Variants in ADCK2 observed in about 807,000 individuals in gnomAD.
ADCK2 encodes the protein uncharacterized aarF domain-containing protein kinase 2.
ADCK2 carries 37 observed loss-of-function variants against 52.3 expected under a neutral mutation model. That is an observed-to-expected ratio of 0.71 (90% CI 0.54 to 0.93). ADCK2 has a LOEUF of 0.93. Among genes scored for constraint, ADCK2 ranks in the 40% least tolerant of loss-of-function variants. The pLI is 0.00. For synonymous variants in ADCK2, 321 were observed against 349.2 expected (o/e 0.92, Z 0.90); for missense variants, 695 against 798.7 (o/e 0.87, Z 1.56).
chr7:140,674,527 T>G lies in ADCK2; in HGVS notation c.934-84T>G, dbSNP rs1013888869. 13 of 1,501,324 alleles carry G rather than the reference T, an allele frequency of 8.7e-6. No individual in the cohort carries two copies. The highest frequency in any genetic ancestry group is 1.2e-5 in the Non-Finnish European group (13 of 1,118,314). 93.0% of individuals were successfully genotyped at this position (1,501,324 alleles called of 1,614,324 possible). On this transcript the variant is annotated intron_variant, in intron 1 of 7. Transcript: ENST00000072869. The surrounding 1 kb of genome is among the most constrained non-coding windows in gnomAD (Gnocchi z 4.6). Reference sequence around the variant, plus strand: ...TCTTTGATAAGAAGCCACCTGGCTCTTGCTTGGATGGTGGGACCCAGCCCT... The same window carrying G: ...TCTTTGATAAGAAGCCACCTGGCTCGTGCTTGGATGGTGGGACCCAGCCCT...
At chr7:140,683,758 T>C (rs1794558862) in intron 4 of ADCK2, among the ~76,000 whole-genome samples, 2 of 152,024 alleles carry the variant, frequency 1.3e-5, no homozygotes, top group Non-Finnish European at 1.5e-5. Flanking sequence ...TAGTTGGGGG[T>C]TGGGGGTGCT....
At position 140,681,322 on chromosome 7, in the gene ADCK2, AT is replaced by A. The variant is rs752193275; in HGVS notation, c.1305+198del. 9.2e-3 allele frequency among the ~76,000 whole-genome samples: 1,318 copies of A among 142,742 alleles called. 21 individuals carry two copies. Among genetic ancestry groups the A allele is most frequent in the African/African-American group, 0.029 (1,127 of 39,148 alleles). The allele number at this position is 142,742 out of a possible 152,430, so 93.6% of individuals were successfully genotyped here. ...GCCATGGTGTCTGTGAAGCTCTTTT[AT>A]TTTTTTTTTTTTGAGATGGAGTCTT... On this transcript the variant is annotated intron_variant, in intron 4 of 7. Transcript: ENST00000072869.
chr7:140,679,322 GCCACT>G, intron 3 of ADCK2, 39 bp downstream of exon 3: 1 of 1,608,920 alleles, frequency 6.2e-7, no homozygotes, highest in South Asian at 1.1e-5. Flanking sequence ...CCTTTCACTT[GCCACT>G]CGCAGTGGGC....
chr7:140,692,262 A>G (rs1477110198), intron 7 of ADCK2, among the ~76,000 whole-genome samples: 1 of 152,078 alleles, frequency 6.6e-6, no homozygotes, highest in African/African-American at 2.4e-5. Flanking sequence ...TACTCTTGAT[A>G]TTTCATATAA....
intron 4 of ADCK2, among the ~76,000 whole-genome samples, chr7:140,684,702 C>T (rs752743526): frequency 2.6e-5 from 4 of 152,102 alleles, no homozygotes; most frequent in East Asian, 1.9e-4. Flanking sequence ...GCTGACAGCA[C>T]GCACGCACAT....
intron 4 of ADCK2, among the ~76,000 whole-genome samples, chr7:140,681,653 T>G (rs1194790092): frequency 3.3e-5 from 5 of 151,510 alleles, no homozygotes; most frequent in Non-Finnish European, 7.4e-5. Context: ...GGTCTCACTC[T>G]GTTGCCGAGG....
intron 5 of ADCK2, among the ~76,000 whole-genome samples, 183 bp from the exon 6 acceptor site, chr7:140,689,414 G>A (rs1459504052): frequency 6.6e-6 from 1 of 152,176 alleles, no homozygotes; most frequent in African/African-American, 2.4e-5. Context: ...GTGCAGCGGG[G>A]GTGGGGGCAT....
chr7:140,694,517 G>A lies in ADCK2; in HGVS notation c.1741-146G>A, dbSNP rs751975430. On this transcript the variant is annotated intron_variant, in intron 7 of 7. Transcript: ENST00000072869. ...GGTGAGATGGTTGGGGAGATGACGC[G>A]GTAGAGAAGAGAATGTCAGGTAGAT... 4.9e-5 allele frequency: 36 copies of A among 739,558 alleles called. 1 individual carries two copies. Among genetic ancestry groups the A allele is most frequent in the South Asian group, 2.4e-4 (12 of 49,550 alleles). The allele number at this position is 739,558 out of a possible 1,614,324, so 45.8% of individuals were successfully genotyped here. A position where few individuals can be genotyped will look rare whatever the true frequency, so the allele number is the denominator to read the frequency against.
chr7:140,677,567 G>A (rs1489668974), intron 2 of ADCK2, among the ~76,000 whole-genome samples: 3 of 152,178 alleles, frequency 2.0e-5, no homozygotes, highest in African/African-American at 7.2e-5. Flanking sequence ...GTTTAACAAT[G>A]ATTTACAGAG....
In ADCK2 at chr7:140,694,688, C is replaced by T; in HGVS notation, c.1766C>T (p.Ser589Phe). 1.2e-6 allele frequency: 2 copies of T among 1,614,092 alleles called. No individual in the cohort carries two copies. Among genetic ancestry groups the T allele is most frequent in the Admixed American group, 1.7e-5 (1 of 60,014 alleles). ...GTAAAGCTTGAGAGCAACTTTGCCT[C>T]CATTGTGTTTGCCATCATGGTGTTG... ...HKVKLESNFASIVFAIMVLEG... is the reference protein window; with the variant it reads ...HKVKLESNFAFIVFAIMVLEG... The change falls in exon 8 of 8, where the codon TCC becomes TTC. Residue 589 changes from serine to phenylalanine, a missense_variant. Ser to Phe is a radical substitution (Grantham distance 155). Coordinates refer to ENST00000072869, the MANE Select transcript of ADCK2 (RefSeq NM_052853.4).
rs1794369973 is a variant in ADCK2, at chr7:140,674,823, G to A, written c.1080+66G>A. The A allele has an allele frequency of 3.3e-6, 5 of 1,531,186 alleles. No homozygotes were observed. Among genetic ancestry groups the A allele is most frequent in the Non-Finnish European group, 4.4e-6 (5 of 1,126,960 alleles). 94.8% of individuals were successfully genotyped at this position (1,531,186 alleles called of 1,614,324 possible). On this transcript the variant is annotated intron_variant, in intron 2 of 7. Transcript: ENST00000072869. This position sits in a 1 kb window ranked among gnomAD's most constrained non-coding sequence, Gnocchi z 4.6. ...AGTTCTTGCCATTAGCTGCTACTTA[G>A]TAAATGTTGAATGAATAATTTTCTG... is the stretch of plus-strand genomic sequence containing the variant.
chr7:140,685,627 CCA>C (rs1403094984), intron 4 of ADCK2, among the ~76,000 whole-genome samples: 2 of 152,110 alleles, frequency 1.3e-5, no homozygotes, highest in Non-Finnish European at 2.9e-5. Flanking sequence ...CCTACCAAAG[CCA>C]CAGTCTGGAC....
At position 140,674,121 on chromosome 7, in the gene ADCK2, C is replaced by G. The variant is rs139708297; in HGVS notation, c.791C>G (p.Pro264Arg). 1.2e-6 allele frequency: 2 copies of G among 1,614,102 alleles called. No homozygotes were observed. Among genetic ancestry groups the G allele is most frequent in the African/African-American group, 2.7e-5 (2 of 75,024 alleles). The change falls in exon 1 of 8, where the codon CCA (proline) becomes CGA (arginine). Residue 264 changes from proline (P) to arginine (R), a missense_variant. Transcript: ENST00000072869. This position sits in a 1 kb window ranked among gnomAD's most constrained non-coding sequence, Gnocchi z 4.6. ...FGYLGNGRKPPENLADQSFLE... is the reference protein window; with the variant it reads ...FGYLGNGRKPRENLADQSFLE... ...TACCTTGGAAATGGCCGGAAACCTC[C>G]AGAAAATCTCGCAGACCAGTCGTTT...
At position 140,673,945 on chromosome 7, in the gene ADCK2, T is replaced by A; in HGVS notation, c.615T>A (p.Pro205=). 6.2e-7 allele frequency: 1 copy of A among 1,614,036 alleles called. No individual in the cohort carries two copies. The highest frequency in any genetic ancestry group is 8.5e-7 in the Non-Finnish European group (1 of 1,180,044). Residue 205 remains proline, a synonymous_variant, in exon 1 of 8, where the codon CCT becomes CCA. Coordinates refer to ENST00000072869, the MANE Select transcript of ADCK2 (RefSeq NM_052853.4). This position sits in a 1 kb window ranked among gnomAD's most constrained non-coding sequence, Gnocchi z 6.4. ...GSILSFENRE[P]VGSGCVAQVY... ...TCCTCTCTTTTGAGAACCGGGAACCTGTGGGCTCAGGCTGCGTGGCCCAGG... is the reference window on the plus strand; with the variant it reads ...TCCTCTCTTTTGAGAACCGGGAACCAGTGGGCTCAGGCTGCGTGGCCCAGG...
In ADCK2 at chr7:140,675,435, G is replaced by A. The variant is rs144541367; in HGVS notation, c.1080+678G>A. On this transcript the variant is annotated intron_variant, in intron 2 of 7. Transcript: ENST00000072869. ...GCTGAGATGACAGAACTAAGCCACC[G>A]TACGGTCAAGAGAGGGAGCTCTACT... Among the ~76,000 whole-genome samples the A allele has an allele frequency of 1.6e-3, 242 of 152,258 alleles. 2 individuals are homozygous for A. Among genetic ancestry groups the A allele is most frequent in the African/African-American group, 5.3e-3 (221 of 41,542 alleles).
In ADCK2 at chr7:140,690,807, T is replaced by C; in HGVS notation, c.1734T>C (p.Thr578=). Residue 578 remains threonine (T), a synonymous_variant, in exon 7 of 8, where the codon ACT becomes ACC. Transcript: ENST00000072869. The part of the protein sequence containing the change: ...LLSSVFKLLM[T]HKVKLESNFA... Reference sequence around the variant, plus strand: ...CTAGTGTCTTTAAGTTGCTGATGACTCACAAGGTGAGGGCCATTCAGAGGG... The same window carrying C: ...CTAGTGTCTTTAAGTTGCTGATGACCCACAAGGTGAGGGCCATTCAGAGGG... 6.2e-7 allele frequency: 1 copy of C among 1,613,766 alleles called. No homozygotes were observed. Among genetic ancestry groups the C allele is most frequent in the South Asian group, 1.1e-5 (1 of 91,040 alleles).
At chr7:140,689,793 G>T in intron 6 of ADCK2, 68 bp downstream of exon 6, 1 of 1,446,272 alleles carries the variant, frequency 6.9e-7, no homozygotes, top group Non-Finnish European at 9.2e-7. Context: ...GCAGATCCTG[G>T]GTCTAAGGGA....
intron 7 of ADCK2, among the ~76,000 whole-genome samples, chr7:140,691,978 G>A (rs114330698): frequency 0.019 from 2,920 of 152,330 alleles, 89 homozygotes; most frequent in African/African-American, 0.065. Flanking sequence ...GGATGGAAGA[G>A]GAGACAGAGG....
chr7:140,672,954 G>C lies in ADCK2; in HGVS notation c.-377G>C, dbSNP rs2130775380. Among the ~76,000 whole-genome samples the C allele has an allele frequency of 6.6e-6, 1 of 151,292 alleles. No individual in the cohort carries two copies. The highest frequency in any genetic ancestry group is 2.1e-4 in the South Asian group (1 of 4,828). On this transcript the variant is annotated 5_prime_UTR_variant, in exon 1 of 8. Coordinates refer to ENST00000072869, the MANE Select transcript of ADCK2 (RefSeq NM_052853.4). ...CCCTGGGCTGGTGCCCGCCACCCCA[G>C]CGATCTCATACTGGCCCCTGGGCGC...
Sources: allele counts gnomAD v4.1 joint callset (sites outside exome capture counted in the v4.1 genomes callset), GRCh38; gene constraint gnomAD v4.1.1; non-coding constraint Gnocchi (gnomAD v3.1); transcripts MANE v1.5; gene names NCBI Gene and HGNC (gene_info 2026-07-23, HGNC 2026-07-21).